Variants in KDM4C observed in about 807,000 individuals in gnomAD.
KDM4C encodes the protein lysine demethylase 4C, also known as lysine-specific demethylase 4C.
Under a neutral mutation model 129.3 loss-of-function variants are expected in KDM4C, and 81 were observed. The ratio of observed to expected loss-of-function variants is 0.63; its 90% confidence interval spans 0.52 to 0.75. The LOEUF (loss-of-function observed/expected upper bound fraction) is 0.75, where lower values mean the gene tolerates loss of function less well. Ranked by LOEUF, KDM4C falls within the 30% of genes least tolerant of loss-of-function variation. The pLI, the probability that KDM4C is intolerant of heterozygous loss-of-function variation, is 0.00. For missense variants in KDM4C, 1,457 were observed against 1,304.0 expected (o/e 1.12, Z -1.81); for synonymous variants, 573 against 456.1 (o/e 1.26, Z -3.26).
chr9:6,849,481 C>G (rs760533880), intron 4 of KDM4C, 26 bp from the exon 5 acceptor site: 2 of 1,499,384 alleles, frequency 1.3e-6, no homozygotes, highest in Admixed American at 2.0e-5. Flanking sequence ...TTTGATTTCT[C>G]TCTCTTTTTT....
At chr9:6,985,846 A>G (rs1273587373) in intron 10 of KDM4C, among the ~76,000 whole-genome samples, 1 of 152,158 alleles carries the variant, frequency 6.6e-6, no homozygotes, top group African/African-American at 2.4e-5. Flanking sequence ...GTGCACCACT[A>G]TGCCTAACTA....
intron 5 of KDM4C, among the ~76,000 whole-genome samples, chr9:6,856,562 G>A (rs1436010239): frequency 6.8e-6 from 1 of 148,062 alleles, no homozygotes. Context: ...GTGTGTGTGT[G>A]TGTGTGTGTG....
At chr9:6,845,697 C>G (rs919546629) in intron 4 of KDM4C, among the ~76,000 whole-genome samples, 3 of 152,170 alleles carry the variant, frequency 2.0e-5, no homozygotes, top group Non-Finnish European at 4.4e-5. Flanking sequence ...CAGGCTCCAA[C>G]TGGGTAATTG....
At chr9:6,904,615 C>A (rs1461660396) in intron 8 of KDM4C, among the ~76,000 whole-genome samples, 1 of 152,166 alleles carries the variant, frequency 6.6e-6, no homozygotes, top group East Asian at 1.9e-4. Flanking sequence ...GTGTCCACAC[C>A]TGTCACCTCG....
rs1390540915 is a variant in KDM4C at position 6,722,236 on chromosome 9, T to G, written c.49+1239T>G. On this transcript the variant is annotated intron_variant, in intron 1 of 17. Coordinates refer to the KDM4C transcript ENST00000536108. ...TGTGATAAGACTCCCTGGGATCTTG[T>G]AGTGCATGTTCTTGCCTAAGCAGTG... 5.9e-5 allele frequency among the ~76,000 whole-genome samples: 9 copies of G among 152,250 alleles called. No homozygotes were observed. In the East Asian group the frequency reaches 1.7e-3, roughly 29 times the overall value.
intron 19 of KDM4C, among the ~76,000 whole-genome samples, chr9:7,149,430 C>G (rs114835828): frequency 1.3e-5 from 2 of 152,220 alleles, no homozygotes; most frequent in South Asian, 2.1e-4. Flanking sequence ...TCCAGAGCCA[C>G]GGCTGGGCAG....
intron 21 of KDM4C, among the ~76,000 whole-genome samples, chr9:7,174,199 G>A (rs1465865926): frequency 6.6e-6 from 1 of 152,226 alleles, no homozygotes; most frequent in Non-Finnish European, 1.5e-5. Context: ...GAGGCCCAAA[G>A]CTAAGTAGGA....
At chr9:6,797,525 G>A (rs1827975729) in intron 2 of KDM4C, among the ~76,000 whole-genome samples, 1 of 152,214 alleles carries the variant, frequency 6.6e-6, no homozygotes, top group Admixed American at 6.5e-5. Flanking sequence ...AAGAGTGGCA[G>A]TCTCTTCACA....
intron 1 of KDM4C, among the ~76,000 whole-genome samples, chr9:6,759,200 G>A (rs1328766086): frequency 6.6e-6 from 1 of 152,180 alleles, no homozygotes; most frequent in African/African-American, 2.4e-5. Context: ...CCTGGTGAAA[G>A]TTACTAGTAG....
chr9:7,097,517 A>G (rs1358651793), intron 17 of KDM4C, among the ~76,000 whole-genome samples: 1 of 152,162 alleles, frequency 6.6e-6, no homozygotes, highest in Non-Finnish European at 1.5e-5. Context: ...TCATCAAAGT[A>G]GAGTCATACC....
At chr9:7,088,015 C>T (rs934704219) in intron 17 of KDM4C, among the ~76,000 whole-genome samples, 17 of 152,212 alleles carry the variant, frequency 1.1e-4, no homozygotes, top group African/African-American at 4.1e-4. Flanking sequence ...ATCAAAAATA[C>T]AGATTTCTGG....
intron 4 of KDM4C, chr9:6,834,962 G>T: frequency 9.9e-7 from 1 of 1,015,010 alleles, no homozygotes; most frequent in Non-Finnish European, 1.6e-6. Flanking sequence ...CGAGGGATAT[G>T]CCCTCCCCCA....
intron 5 of KDM4C, among the ~76,000 whole-genome samples, chr9:6,850,863 T>C (rs1251073034): frequency 6.6e-6 from 1 of 152,212 alleles, no homozygotes; most frequent in Non-Finnish European, 1.5e-5. Flanking sequence ...CAAGCGATTC[T>C]CCTGCCTCAG....
chr9:6,860,085 AAG>A (rs1588755755), intron 5 of KDM4C, among the ~76,000 whole-genome samples: 1 of 152,168 alleles, frequency 6.6e-6, no homozygotes, highest in Non-Finnish European at 1.5e-5. Flanking sequence ...GCAGAACTAA[AAG>A]AGAAACGTGC....
At chr9:6,781,985 C>A (rs367570477) in intron 1 of KDM4C, among the ~76,000 whole-genome samples, 2 of 151,880 alleles carry the variant, frequency 1.3e-5, no homozygotes, top group South Asian at 4.2e-4. Flanking sequence ...CCACCATGCC[C>A]GGCTAATTTT....
intron 5 of KDM4C, among the ~76,000 whole-genome samples, chr9:6,856,678 T>C (rs910422948): frequency 2.2e-4 from 34 of 151,560 alleles, no homozygotes; most frequent in African/African-American, 8.0e-4. Context: ...GCTCAAGTGA[T>C]CCTCCCACTT....
intron 8 of KDM4C, among the ~76,000 whole-genome samples, chr9:6,960,806 GCATCCTGGCCTTTAGA>G (rs1829909992): frequency 6.6e-6 from 1 of 152,082 alleles, no homozygotes; most frequent in Non-Finnish European, 1.5e-5. Context: ...ATTTTTAGCA[GCATCCTGGCCTTTAGA>G]AATGCCTTCA....
At chr9:6,767,264 G>A (rs1014475811) in intron 1 of KDM4C, among the ~76,000 whole-genome samples, 1 of 151,380 alleles carries the variant, frequency 6.6e-6, no homozygotes, top group Non-Finnish European at 1.5e-5. Context: ...TCAGCCTCCC[G>A]AGTAGCTGGG....
intron 15 of KDM4C, among the ~76,000 whole-genome samples, chr9:7,017,890 C>G (rs1423551763): frequency 6.6e-6 from 1 of 152,142 alleles, no homozygotes; most frequent in Non-Finnish European, 1.5e-5. Context: ...TGGTGTCTTT[C>G]TGGATGATTT....
Sources: gnomAD v4.1 joint callset for allele counts (sites outside exome capture counted in the v4.1 genomes callset) on GRCh38, gnomAD v4.1.1 for gene constraint, MANE v1.5 for transcripts, NCBI Gene and HGNC (gene_info 2026-07-23, HGNC 2026-07-21) for gene names.